Variants in CAMK1D observed in about 807,000 individuals in gnomAD.
The protein encoded by CAMK1D is calcium/calmodulin-dependent protein kinase type 1D.
Under a neutral mutation model 47.7 loss-of-function variants are expected in CAMK1D, and 9 were observed. That is an observed-to-expected ratio of 0.19 (90% CI 0.11 to 0.33). The LOEUF is 0.33. CAMK1D is among the 10% of genes least tolerant of loss of function. The pLI is 1.00. For missense variants in CAMK1D, 291 were observed against 488.7 expected (o/e 0.60, Z 3.81); for synonymous variants, 184 against 184.9 (o/e 0.99, Z 0.04).
intron 2 of CAMK1D, among the ~76,000 whole-genome samples, chr10:12,632,038 C>T (rs1839395097): frequency 6.6e-6 from 1 of 152,210 alleles, no homozygotes; most frequent in South Asian, 2.1e-4. Context: ...GTCACTCCAG[C>T]TAAACCCATC....
chr10:12,597,954 C>T (rs948020069), intron 2 of CAMK1D, among the ~76,000 whole-genome samples: 1 of 152,110 alleles, frequency 6.6e-6, no homozygotes, highest in African/African-American at 2.4e-5. Flanking sequence ...GCACCAACTG[C>T]ATCTGTCCCT....
At chr10:12,818,132 C>G (rs545588694) in intron 8 of CAMK1D, among the ~76,000 whole-genome samples, 7 of 152,086 alleles carry the variant, frequency 4.6e-5, no homozygotes, top group Non-Finnish European at 1.0e-4. Flanking sequence ...GAAAACCATC[C>G]CCCTGTGTGC....
chr10:12,770,777 G>T (rs992719926), intron 5 of CAMK1D, among the ~76,000 whole-genome samples: 1 of 152,166 alleles, frequency 6.6e-6, no homozygotes, highest in African/African-American at 2.4e-5. Context: ...GGGAGTTACA[G>T]GACAGCATCC....
intron 1 of CAMK1D, among the ~76,000 whole-genome samples, chr10:12,513,048 C>T (rs914032626): frequency 2.0e-5 from 3 of 152,206 alleles, no homozygotes; most frequent in Admixed American, 1.3e-4. Flanking sequence ...CTGCCCAGGC[C>T]AGCTCAGAAG....
chr10:12,466,207 C>G (rs1833584722), intron 1 of CAMK1D, among the ~76,000 whole-genome samples: 1 of 151,770 alleles, frequency 6.6e-6, no homozygotes, highest in African/African-American at 2.4e-5. Flanking sequence ...GGAGATCGAG[C>G]CCATCCTGGC....
intron 3 of CAMK1D, among the ~76,000 whole-genome samples, chr10:12,694,447 G>A (rs11592795): frequency 0.24 from 12,598 of 53,452 alleles, 2,021 homozygotes; most frequent in African/African-American, 0.34. Flanking sequence ...TATAAAATAT[G>A]AAATATATAT....
intron 2 of CAMK1D, among the ~76,000 whole-genome samples, chr10:12,646,718 A>C (rs1839820403): frequency 6.6e-6 from 1 of 152,366 alleles, no homozygotes; most frequent in Admixed American, 6.5e-5. Context: ...TACCAAAAAC[A>C]CAGGACTGAA....
intron 2 of CAMK1D, among the ~76,000 whole-genome samples, chr10:12,657,544 T>C (rs1173073726): frequency 6.6e-6 from 1 of 152,250 alleles, no homozygotes; most frequent in Non-Finnish European, 1.5e-5. Flanking sequence ...GCGCTAATGC[T>C]TAAGACATTT....
chr10:12,585,573 A>G (rs1204628670), intron 2 of CAMK1D, among the ~76,000 whole-genome samples: 1 of 152,232 alleles, frequency 6.6e-6, no homozygotes, highest in Non-Finnish European at 1.5e-5. Flanking sequence ...TCATGGGAGA[A>G]GGTGAATGGC....
chr10:12,555,222 T>G (rs918022209), intron 2 of CAMK1D, among the ~76,000 whole-genome samples: 1 of 152,148 alleles, frequency 6.6e-6, no homozygotes, highest in Non-Finnish European at 1.5e-5. Flanking sequence ...CCCACTCCTC[T>G]CTTACTGGGA....
chr10:12,688,710 G>A (rs764923210), intron 3 of CAMK1D, among the ~76,000 whole-genome samples: 1 of 151,960 alleles, frequency 6.6e-6, no homozygotes, highest in Admixed American at 6.5e-5. Flanking sequence ...TTGTGACAGA[G>A]TTTCGCTCTT....
At chr10:12,492,108 G>A (rs1016409093) in intron 1 of CAMK1D, among the ~76,000 whole-genome samples, 2 of 147,720 alleles carry the variant, frequency 1.4e-5, no homozygotes, top group South Asian at 2.2e-4. Flanking sequence ...TCTGACTGGA[G>A]GCTTAATTTT....
chr10:12,768,727 C>T (rs1044639242), intron 4 of CAMK1D, among the ~76,000 whole-genome samples: 1 of 151,800 alleles, frequency 6.6e-6, no homozygotes, highest in African/African-American at 2.4e-5. Flanking sequence ...AAAATGCAGG[C>T]TCCTCTTTGT....
At chr10:12,399,022 TGCTGCTGTTA>T (rs1364810123) in intron 1 of CAMK1D, among the ~76,000 whole-genome samples, 1 of 152,202 alleles carries the variant, frequency 6.6e-6, no homozygotes, top group Non-Finnish European at 1.5e-5. Context: ...GCATCACAGT[TGCTGCTGTTA>T]GCCTTTTCCT....
chr10:12,747,413 C>T (rs901190480), intron 3 of CAMK1D, among the ~76,000 whole-genome samples: 12 of 152,188 alleles, frequency 7.9e-5, no homozygotes, highest in Non-Finnish European at 2.9e-5. Context: ...GTAAACAATC[C>T]TCTTGTCTCA....
At chr10:12,636,409 C>T (rs1201187117) in intron 2 of CAMK1D, among the ~76,000 whole-genome samples, 1 of 152,202 alleles carries the variant, frequency 6.6e-6, no homozygotes, top group Non-Finnish European at 1.5e-5. Context: ...CTCACCGCAG[C>T]CTTGACCTCT....
In CAMK1D at chr10:12,425,304, CAG is replaced by C. The variant is rs969285249; in HGVS notation, c.92+75397_92+75398del. 1.7e-4 allele frequency among the ~76,000 whole-genome samples: 23 copies of C among 134,004 alleles called. 1 individual carries two copies. Among genetic ancestry groups the C allele is most frequent in the African/African-American group, 6.4e-4 (23 of 36,138 alleles). The allele number at this position is 134,004 out of a possible 152,430, so 87.9% of individuals were successfully genotyped here. A position where few individuals can be genotyped will look rare whatever the true frequency, so the allele number is the denominator to read the frequency against. ...TCTTTCTTTTTTTTTTTTTTTGAGA[CAG>C]AGTCTTGCTCTGTCCCCCAGGCTGG... On this transcript the variant is annotated intron_variant, in intron 1 of 10. Transcript: ENST00000619168.
At chr10:12,790,394 C>G (rs900226143) in intron 5 of CAMK1D, among the ~76,000 whole-genome samples, 2 of 152,196 alleles carry the variant, frequency 1.3e-5, no homozygotes, top group African/African-American at 2.4e-5. Context: ...TTTGTGACCC[C>G]ACAGCACCCA....
intron 1 of CAMK1D, among the ~76,000 whole-genome samples, chr10:12,361,263 T>C (rs1325008822): frequency 1.3e-5 from 2 of 148,538 alleles, no homozygotes; most frequent in Non-Finnish European, 3.0e-5. Context: ...TTTTTTTTTT[T>C]TGAGATGGAG....
Sources: gnomAD v4.1 joint callset for allele counts (sites outside exome capture counted in the v4.1 genomes callset) on GRCh38, gnomAD v4.1.1 for gene constraint, MANE v1.5 for transcripts, NCBI Gene and HGNC (gene_info 2026-07-23, HGNC 2026-07-21) for gene names.